INTS6: variants seen among roughly 807,000 people sequenced by gnomAD.
INTS6 encodes the protein DEAD box protein.
Under a neutral mutation model 104.9 loss-of-function variants are expected in INTS6, and 16 were observed. The ratio of observed to expected loss-of-function variants is 0.15; its 90% confidence interval spans 0.10 to 0.23. INTS6 has a LOEUF of 0.23. Ranked by LOEUF, INTS6 falls within the 10% of genes least tolerant of loss-of-function variation. The probability of loss-of-function intolerance (pLI) is 1.00; values close to 1 mark genes in which losing one functional copy is unlikely to be tolerated. For missense variants in INTS6, 584 were observed against 1,062.8 expected (o/e 0.55, Z 6.26); for synonymous variants, 324 against 358.7 (o/e 0.90, Z 1.09).
At chr13:51,335,077 CAG>C in the INTS6 span, among the ~76,000 whole-genome samples, 1 of 151,640 alleles carries the variant, frequency 6.6e-6, no homozygotes, top group South Asian at 2.1e-4. Flanking sequence ...GAAGAGAGCT[CAG>C]AACATACCCA....
chr13:51,377,627 T>A (rs1229848866), intron 12 of INTS6, among the ~76,000 whole-genome samples: 2 of 152,154 alleles, frequency 1.3e-5, no homozygotes, highest in African/African-American at 4.8e-5. Flanking sequence ...TGACTGTGTG[T>A]GTGAGGGCCT....
intron 17 of INTS6, among the ~76,000 whole-genome samples, chr13:51,366,380 T>C (rs977639516): frequency 6.6e-6 from 1 of 152,046 alleles, no homozygotes; most frequent in Admixed American, 6.6e-5. Context: ...ACATCTATAA[T>C]ACAGAGTATA....
chr13:51,334,977 C>T, the INTS6 span, among the ~76,000 whole-genome samples: 9 of 128,002 alleles, frequency 7.0e-5, no homozygotes, highest in East Asian at 6.5e-4. Flanking sequence ...AGCAAGACTC[C>T]GTCTCAAAAA....
At chr13:51,337,459 G>A in the INTS6 span, among the ~76,000 whole-genome samples, 3 of 152,156 alleles carry the variant, frequency 2.0e-5, no homozygotes, top group African/African-American at 7.2e-5. Flanking sequence ...AAGTGAACAC[G>A]CATTACGAGC....
intron 4 of INTS6, among the ~76,000 whole-genome samples, chr13:51,428,347 C>G (rs1334958821): frequency 7.5e-6 from 1 of 133,734 alleles, no homozygotes; most frequent in South Asian, 2.3e-4. Context: ...TTTTTTGAGA[C>G]GGAGTCTTGC....
At chr13:51,409,659 G>A (rs1956646945) in intron 4 of INTS6, among the ~76,000 whole-genome samples, 1 of 150,662 alleles carries the variant, frequency 6.6e-6, no homozygotes, top group Admixed American at 6.6e-5. Context: ...TAATTTTAAG[G>A]AACAATTGGT....
At chr13:51,348,565 C>T in the INTS6 span, 1 of 626,956 alleles carries the variant, frequency 1.6e-6, no homozygotes, top group East Asian at 2.8e-5. Context: ...GAGGAAGTGA[C>T]CCTAGAGTTT....
At chr13:51,359,586 G>T (rs144960319), downstream of INTS6, among the ~76,000 whole-genome samples, 558 of 152,162 alleles carry the variant, frequency 3.7e-3, 5 homozygotes, top group East Asian at 0.019. Context: ...CACATCAACT[G>T]GTCTCATTTC....
At chr13:51,404,105 G>C (rs12876931) in intron 4 of INTS6, among the ~76,000 whole-genome samples, 1,491 of 81,326 alleles carry the variant, frequency 0.018, 15 homozygotes, top group African/African-American at 0.066. Context: ...CACACACACA[G>C]AGAGAGAGAG....
At chr13:51,408,138 T>A (rs531582356) in intron 4 of INTS6, among the ~76,000 whole-genome samples, 1 of 150,692 alleles carries the variant, frequency 6.6e-6, no homozygotes. Flanking sequence ...AATAAACCAT[T>A]GAGATGGGTT....
chr13:51,399,059 T>C (rs984423457), intron 4 of INTS6, among the ~76,000 whole-genome samples: 10 of 152,218 alleles, frequency 6.6e-5, no homozygotes, highest in Non-Finnish European at 1.3e-4. Flanking sequence ...CTGACTAGTT[T>C]TGCCTGATTT....
At chr13:51,433,839 TAATAAC>T (rs1470156773) in intron 3 of INTS6, among the ~76,000 whole-genome samples, 1 of 152,142 alleles carries the variant, frequency 6.6e-6, no homozygotes, top group South Asian at 2.1e-4. Context: ...GAAATTACTA[TAATAAC>T]AATAACATTA....
the INTS6 span, chr13:51,344,219 C>A: frequency 6.5e-7 from 1 of 1,537,266 alleles, no homozygotes; most frequent in South Asian, 1.1e-5. Flanking sequence ...TCACACTCAC[C>A]ATTGTCAACT....
intron 4 of INTS6, chr13:51,421,374 CA>C: frequency 1.1e-5 from 9 of 836,290 alleles, no homozygotes; most frequent in Non-Finnish European, 1.3e-5. Context: ...ACAAACAAAA[CA>C]AAGGGGGAAA....
chr13:51,407,584 T>C lies in INTS6; in HGVS notation c.430-12101A>G, dbSNP rs531509625. 9.2e-5 allele frequency among the ~76,000 whole-genome samples: 14 copies of C among 152,250 alleles called. No homozygotes were observed. The South Asian group carries it at 2.3e-3, about 25-fold the overall frequency. ...GATACCAAATACAGAGGAAAAAATATAGAATACGGTATGTCCTAATGTTCT... is the reference window on the plus strand; with the variant it reads ...GATACCAAATACAGAGGAAAAAATACAGAATACGGTATGTCCTAATGTTCT... On this transcript the variant is annotated intron_variant, in intron 4 of 17. Coordinates refer to ENST00000311234, the MANE Select transcript of INTS6 (RefSeq NM_012141.3).
chr13:51,445,144 C>T (rs1241324757), intron 3 of INTS6: 3 of 152,146 alleles, frequency 2.0e-5, no homozygotes, highest in Non-Finnish European at 2.9e-5. Context: ...AATCCTAAGG[C>T]ATGTGCTTTT....
intron 3 of INTS6, chr13:51,436,618 G>A (rs1593764553): frequency 6.6e-6 from 1 of 151,982 alleles, no homozygotes; most frequent in African/African-American, 2.4e-5. Context: ...GTAAGAAATC[G>A]TAAGTCACCA....
rs764123129 is a variant in INTS6 at position 51,362,041 on chromosome 13, A to G, written c.*3711T>C. 6 of 1,587,596 alleles carry G rather than the reference A, an allele frequency of 3.8e-6. No individual in the cohort carries two copies. The highest frequency in any genetic ancestry group is 4.3e-6 in the Non-Finnish European group (5 of 1,172,338). On this transcript the variant is annotated 3_prime_UTR_variant, in exon 18 of 18. Coordinates refer to ENST00000311234, the MANE Select transcript of INTS6 (RefSeq NM_012141.3). ...AGAAGCTACCCAGTTGCTATCTTCT[A>G]TCCTAAGAAAGGGGACTATTTCGTA... is the stretch of plus-strand genomic sequence containing the variant.
At chr13:51,413,340 T>C (rs1037139338) in intron 4 of INTS6, among the ~76,000 whole-genome samples, 14 of 152,220 alleles carry the variant, frequency 9.2e-5, no homozygotes, top group Admixed American at 8.5e-4. Context: ...TCTTCCCTGA[T>C]GGCACAAGTG....
Sources: allele counts gnomAD v4.1 joint callset (sites outside exome capture counted in the v4.1 genomes callset), GRCh38; gene constraint gnomAD v4.1.1; transcripts MANE v1.5; gene names NCBI Gene and HGNC (gene_info 2026-07-23, HGNC 2026-07-21).